The following PDZRN4 variants were observed in gnomAD, a reference collection of about 807,000 sequenced individuals.
PDZRN4 encodes PDZ domain-containing RING finger protein 4.
In PDZRN4, 70 loss-of-function variants were observed where a neutral mutation model predicts 99.0. The ratio of observed to expected loss-of-function variants is 0.71; its 90% confidence interval spans 0.58 to 0.86. The LOEUF is 0.86. Among genes scored for constraint, PDZRN4 ranks in the 40% least tolerant of loss-of-function variants. The pLI, the probability that PDZRN4 is intolerant of heterozygous loss-of-function variation, is 0.00. For synonymous variants in PDZRN4, 551 were observed against 501.6 expected (o/e 1.10, Z -1.32); for missense variants, 1,474 against 1,331.2 (o/e 1.11, Z -1.67).
intron 3 of PDZRN4, among the ~76,000 whole-genome samples, chr12:41,376,756 C>A (rs562053771): frequency 1.3e-5 from 2 of 151,976 alleles, no homozygotes; most frequent in African/African-American, 4.8e-5. Context: ...CTTACTTTTG[C>A]TTTTGTGGTT....
At chr12:41,416,031 C>T (rs956159971) in intron 3 of PDZRN4, among the ~76,000 whole-genome samples, 4 of 152,172 alleles carry the variant, frequency 2.6e-5, no homozygotes, top group African/African-American at 7.2e-5. Context: ...CATGACTTTA[C>T]AACTGTGTGA....
Position 41,573,917 on chromosome 12 carries a change from AT to A in PDZRN4, c.*31del. 6.9e-7 allele frequency: 1 copy of A among 1,459,080 alleles called. No individual in the cohort carries two copies. The highest frequency in any genetic ancestry group is 9.2e-7 in the Non-Finnish European group (1 of 1,086,830). The allele number at this position is 1,459,080 out of a possible 1,614,324, so 90.4% of individuals were successfully genotyped here. A position where few individuals can be genotyped will look rare whatever the true frequency, so the allele number is the denominator to read the frequency against. Reference sequence around the variant, plus strand: ...CGAATGAATGGAATGCATGCGACTGATTTTAGGAGGATGCTACCAGTTTCGG... The same window carrying A: ...CGAATGAATGGAATGCATGCGACTGATTTAGGAGGATGCTACCAGTTTCGG... On this transcript the variant is annotated 3_prime_UTR_variant, in exon 10 of 10. Coordinates refer to ENST00000402685, the MANE Select transcript of PDZRN4 (RefSeq NM_001164595.2).
intron 5 of PDZRN4, among the ~76,000 whole-genome samples, chr12:41,514,701 A>G (rs568889917): frequency 2.2e-4 from 33 of 152,228 alleles, no homozygotes; most frequent in Non-Finnish European, 3.8e-4. Flanking sequence ...TGAGCCACTC[A>G]GTCCCTTTCC....
intron 3 of PDZRN4, among the ~76,000 whole-genome samples, chr12:41,240,215 T>G (rs1349603552): frequency 1.3e-5 from 2 of 152,212 alleles, no homozygotes; most frequent in African/African-American, 2.4e-5. Flanking sequence ...GCCAGAAGTC[T>G]TTTTGAGGGT....
chr12:41,471,206 G>A (rs1369346862), intron 3 of PDZRN4, among the ~76,000 whole-genome samples: 1 of 152,162 alleles, frequency 6.6e-6, no homozygotes, highest in Non-Finnish European at 1.5e-5. Context: ...TATTATGAAA[G>A]TATGCAAATG....
intron 3 of PDZRN4, among the ~76,000 whole-genome samples, chr12:41,208,745 C>T (rs1950867253): frequency 6.6e-6 from 1 of 151,706 alleles, no homozygotes; most frequent in Non-Finnish European, 1.5e-5. Flanking sequence ...TAGTAAGAAG[C>T]CTGTTGTTTA....
At chr12:41,306,911 C>T (rs536138827) in intron 3 of PDZRN4, among the ~76,000 whole-genome samples, 2 of 152,252 alleles carry the variant, frequency 1.3e-5, no homozygotes, top group African/African-American at 4.8e-5. Context: ...CAGCTTTTAC[C>T]ATTTACATTT....
At chr12:41,506,803 G>A (rs961114128) in intron 4 of PDZRN4, 91 bp downstream of exon 4, 3 of 1,399,868 alleles carry the variant, frequency 2.1e-6, no homozygotes, top group Non-Finnish European at 2.9e-6. Context: ...CTAGCAGGTT[G>A]ACAGTTATGG....
intron 3 of PDZRN4, among the ~76,000 whole-genome samples, chr12:41,327,640 G>C (rs546519585): frequency 7.0e-4 from 106 of 152,266 alleles, no homozygotes; most frequent in Non-Finnish European, 1.4e-3. Context: ...AGGGGCTTAA[G>C]GCTGAAATGG....
chr12:41,413,434 ATAAG>A (rs990666350), intron 3 of PDZRN4, among the ~76,000 whole-genome samples: 8 of 152,164 alleles, frequency 5.3e-5, no homozygotes, highest in Non-Finnish European at 8.8e-5. Flanking sequence ...GATAAAAGGA[ATAAG>A]TTCTAGTGTT....
At chr12:41,327,748 A>G (rs1020729928) in intron 3 of PDZRN4, among the ~76,000 whole-genome samples, 4 of 152,134 alleles carry the variant, frequency 2.6e-5, no homozygotes, top group Non-Finnish European at 5.9e-5. Flanking sequence ...CTCACATGTT[A>G]TTTAACTGGG....
chr12:41,446,366 C>T (rs2733292), intron 3 of PDZRN4, among the ~76,000 whole-genome samples: 79,362 of 150,972 alleles, frequency 0.53, 21,530 homozygotes, highest in African/African-American at 0.68. Context: ...GATATCTTTA[C>T]TAACAACGAA....
intron 3 of PDZRN4, among the ~76,000 whole-genome samples, chr12:41,235,394 G>T (rs1052087315): frequency 1.3e-5 from 2 of 152,048 alleles, no homozygotes; most frequent in East Asian, 1.9e-4. Context: ...CAATATTATA[G>T]TTTTTCTTAG....
At position 41,188,833 on chromosome 12, in the gene PDZRN4, G is replaced by A. The variant is rs1369985576; in HGVS notation, c.378G>A (p.Glu126=). Residue 126 remains glutamate, a synonymous_variant, in exon 1 of 10, where the codon GAG becomes GAA. Coordinates refer to ENST00000402685, the MANE Select transcript of PDZRN4 (RefSeq NM_001164595.2). ...GCGCTTCGGGGCTGGGCGGTGGTGAGGTGCCCGCGCGGGGGGGCTGCGGTC... is the reference window on the plus strand; with the variant it reads ...GCGCTTCGGGGCTGGGCGGTGGTGAAGTGCCCGCGCGGGGGGGCTGCGGTC... ...GGCASGLGGG[E]VPARGGCGPT... The A allele has an allele frequency of 2.3e-6, 3 of 1,281,276 alleles. No individual in the cohort carries two copies. Among genetic ancestry groups the A allele is most frequent in the African/African-American group, 3.1e-5 (2 of 63,990 alleles). The allele number at this position is 1,281,276 out of a possible 1,614,324, so 79.4% of individuals were successfully genotyped here.
At chr12:41,329,112 G>T (rs1224745760) in intron 3 of PDZRN4, among the ~76,000 whole-genome samples, 3 of 152,078 alleles carry the variant, frequency 2.0e-5, no homozygotes. Context: ...TAGGGATAAG[G>T]TTAGAATCGT....
chr12:41,437,664 C>A, intron 3 of PDZRN4: 1 of 985,646 alleles, frequency 1.0e-6, no homozygotes, highest in Non-Finnish European at 1.4e-6. Flanking sequence ...TCTGTGTAGT[C>A]ATGTGCACTG....
intron 3 of PDZRN4, among the ~76,000 whole-genome samples, chr12:41,360,644 A>G (rs191154150): frequency 1.3e-5 from 2 of 152,178 alleles, no homozygotes; most frequent in Admixed American, 1.3e-4. Flanking sequence ...AAATTAATGA[A>G]TAATTGACTT....
chr12:41,244,434 GT>G (rs1419903298), intron 3 of PDZRN4, among the ~76,000 whole-genome samples: 4 of 152,268 alleles, frequency 2.6e-5, no homozygotes, highest in Non-Finnish European at 5.9e-5. Context: ...TCTGCAATGA[GT>G]TCCCATTTTC....
Position 41,292,823 on chromosome 12 carries a change from G to A in PDZRN4, c.843+98635G>A, listed in dbSNP as rs920400743. 5.3e-5 allele frequency among the ~76,000 whole-genome samples: 8 copies of A among 152,166 alleles called. No individual in the cohort carries two copies. In the South Asian group the frequency reaches 1.5e-3, roughly 28 times the overall value. ...AGAGAGTTGTGCATCACACCATTAT[G>A]AGTAATGTTTTAGACTCTATATTGA... On this transcript the variant is annotated intron_variant, in intron 3 of 9. Coordinates refer to ENST00000402685, the MANE Select transcript of PDZRN4 (RefSeq NM_001164595.2).
Sources: gnomAD v4.1 joint callset for allele counts (sites outside exome capture counted in the v4.1 genomes callset) on GRCh38, gnomAD v4.1.1 for gene constraint, MANE v1.5 for transcripts, NCBI Gene and HGNC (gene_info 2026-07-23, HGNC 2026-07-21) for gene names.